The following RXFP1 variants were observed in gnomAD, a reference collection of about 807,000 sequenced individuals.
The protein encoded by RXFP1 is relaxin receptor 1.
Under a neutral mutation model 89.8 loss-of-function variants are expected in RXFP1, and 73 were observed. That is an observed-to-expected ratio of 0.81 (90% CI 0.67 to 0.99). RXFP1 has a LOEUF of 0.99. Ranked by LOEUF, RXFP1 falls within the 50% of genes least tolerant of loss-of-function variation. The pLI is 0.00. For missense variants in RXFP1, 793 were observed against 895.5 expected, an observed-to-expected ratio of 0.89 and a Z score of 1.46; for synonymous variants, 277 against 305.5, an observed-to-expected ratio of 0.91 and a Z score of 0.97.
At chr4:158,643,532 G>A (rs918680058) in intron 14 of RXFP1, among the ~76,000 whole-genome samples, 13 of 147,720 alleles carry the variant, frequency 8.8e-5, no homozygotes, top group African/African-American at 2.5e-4. Flanking sequence ...GTGCAGTGGT[G>A]CAATCTCGGC....
At chr4:158,628,504 A>C in intron 10 of RXFP1, 134 bp from the exon 11 acceptor site, 1 of 420,538 alleles carries the variant, frequency 2.4e-6, no homozygotes, top group Admixed American at 4.4e-5. Flanking sequence ...GATAATTTAT[A>C]CTACTTCAAA....
At position 158,606,984 on chromosome 4, in the gene RXFP1, C is replaced by T. The variant is rs1032212733; in HGVS notation, c.465-988C>T. 167 of 1,134,518 alleles carry T rather than the reference C, an allele frequency of 1.5e-4. No individual in the cohort carries two copies. The African/African-American group carries it at 1.7e-3, about 12-fold the overall frequency. 70.3% of individuals were successfully genotyped at this position (1,134,518 alleles called of 1,614,324 possible). A position where few individuals can be genotyped will look rare whatever the true frequency, so the allele number is the denominator to read the frequency against. On this transcript the variant is annotated intron_variant, in intron 5 of 17. Transcript: ENST00000307765. The stretch of plus-strand genomic sequence containing the variant: ...AAAATTTATAATTTAACTGAATGTT[C>T]GCTCATATTGATTTCTTTCTTATTG...
chr4:158,631,965 T>C (rs1768122826), intron 11 of RXFP1, among the ~76,000 whole-genome samples: 1 of 152,134 alleles, frequency 6.6e-6, no homozygotes, highest in Non-Finnish European at 1.5e-5. Context: ...TGGTGGCATA[T>C]GGCTGTAGTC....
At chr4:158,557,080 A>G (rs1751474113) in intron 1 of RXFP1, among the ~76,000 whole-genome samples, 1 of 152,198 alleles carries the variant, frequency 6.6e-6, no homozygotes, top group Non-Finnish European at 1.5e-5. Flanking sequence ...AGGCTTTTGA[A>G]TGTTCTCACC....
At chr4:158,580,471 T>C (rs545215982) in intron 2 of RXFP1, among the ~76,000 whole-genome samples, 5 of 152,164 alleles carry the variant, frequency 3.3e-5, no homozygotes, top group Non-Finnish European at 7.3e-5. Context: ...AGCACTTCCC[T>C]CCCTGCCTCC....
intron 9 of RXFP1, among the ~76,000 whole-genome samples, chr4:158,617,430 T>TATAC (rs1764816290): frequency 6.9e-6 from 1 of 144,566 alleles, no homozygotes; most frequent in African/African-American, 2.6e-5. Flanking sequence ...AAAAAAAATA[T>TATAC]ATATATATAT....
At chr4:158,560,028 A>G (rs762211059) in intron 1 of RXFP1, among the ~76,000 whole-genome samples, 80 of 152,348 alleles carry the variant, frequency 5.3e-4, no homozygotes, top group Non-Finnish European at 9.1e-4. Flanking sequence ...CTGCAGGAAG[A>G]AAAAGGATGG....
At chr4:158,599,123 T>C (rs1761192129) in intron 3 of RXFP1, 2 of 673,472 alleles carry the variant, frequency 3.0e-6, no homozygotes, top group Non-Finnish European at 4.8e-6. Flanking sequence ...TTCCAAATGT[T>C]GATGCTCTAC....
At chr4:158,522,965 A>G (rs553969988) in intron 1 of RXFP1, among the ~76,000 whole-genome samples, 10 of 152,270 alleles carry the variant, frequency 6.6e-5, no homozygotes, top group African/African-American at 2.4e-4. Flanking sequence ...CAATTGTAAT[A>G]TGTCAAAGTG....
chr4:158,648,375 A>T (rs1165596944), intron 16 of RXFP1, 124 bp from the exon 17 acceptor site: 1 of 629,264 alleles, frequency 1.6e-6, no homozygotes, highest in East Asian at 3.0e-5. Flanking sequence ...CCCACACATT[A>T]TAGTCTTTGT....
At chr4:158,550,405 G>A (rs1473620823) in intron 1 of RXFP1, among the ~76,000 whole-genome samples, 4 of 152,264 alleles carry the variant, frequency 2.6e-5, no homozygotes, top group African/African-American at 9.6e-5. Context: ...CTTCCCGTGT[G>A]AGGCAATGCC....
intron 3 of RXFP1, among the ~76,000 whole-genome samples, chr4:158,594,210 C>T (rs1275579626): frequency 6.6e-6 from 1 of 152,184 alleles, no homozygotes; most frequent in East Asian, 1.9e-4. Flanking sequence ...ATCACAGCCT[C>T]TATACAGACT....
At chr4:158,531,786 G>C (rs1039688287) in intron 1 of RXFP1, among the ~76,000 whole-genome samples, 1 of 152,058 alleles carries the variant, frequency 6.6e-6, no homozygotes, top group South Asian at 2.1e-4. Context: ...ATATTTCTAT[G>C]ACTAAAATTC....
intron 14 of RXFP1, among the ~76,000 whole-genome samples, chr4:158,642,616 T>A (rs1357545676): frequency 6.6e-6 from 1 of 152,192 alleles, no homozygotes; most frequent in African/African-American, 2.4e-5. Context: ...ATGACAGAAT[T>A]TCATTCTTTT....
At chr4:158,555,365 G>A (rs948476569) in intron 1 of RXFP1, among the ~76,000 whole-genome samples, 9 of 152,166 alleles carry the variant, frequency 5.9e-5, no homozygotes, top group African/African-American at 1.9e-4. Context: ...GTAAAATTAT[G>A]TTTCCTCCCA....
At chr4:158,607,312 C>G (rs67344334) in intron 5 of RXFP1, among the ~76,000 whole-genome samples, 25,593 of 148,554 alleles carry the variant, frequency 0.17, 2,675 homozygotes, top group African/African-American at 0.3. Flanking sequence ...TTCTTCTAGT[C>G]CTGATTATTT....
At chr4:158,600,078 T>C (rs1430037463) in intron 4 of RXFP1, among the ~76,000 whole-genome samples, 1 of 152,220 alleles carries the variant, frequency 6.6e-6, no homozygotes, top group African/African-American at 2.4e-5. Context: ...CACAAACATA[T>C]ACATTTGACT....
At chr4:158,568,023 A>G (rs771928078) in intron 1 of RXFP1, among the ~76,000 whole-genome samples, 2 of 152,184 alleles carry the variant, frequency 1.3e-5, no homozygotes, top group Non-Finnish European at 2.9e-5. Flanking sequence ...TCACTCCTGA[A>G]GCCATCAAGA....
At chr4:158,572,477 A>C (rs1755289905) in intron 1 of RXFP1, among the ~76,000 whole-genome samples, 1 of 152,258 alleles carries the variant, frequency 6.6e-6, no homozygotes, top group Non-Finnish European at 1.5e-5. Flanking sequence ...GGTGGGAAAC[A>C]GCATGAACAA....
Sources: allele counts gnomAD v4.1 joint callset (sites outside exome capture counted in the v4.1 genomes callset), GRCh38; gene constraint gnomAD v4.1.1; transcripts MANE v1.5; gene names NCBI Gene and HGNC (gene_info 2026-07-23, HGNC 2026-07-21).